IRAK2: variants seen among roughly 807,000 people sequenced by gnomAD.
The protein encoded by IRAK2 is interleukin 1 receptor associated kinase 2.
Under a neutral mutation model 72.0 loss-of-function variants are expected in IRAK2, and 57 were observed. The ratio of observed to expected loss-of-function variants is 0.79; its 90% CI spans 0.64 to 0.99. The LOEUF is 0.99. Ranked by LOEUF, IRAK2 falls within the 50% of genes least tolerant of loss-of-function variation. The probability of loss-of-function intolerance (pLI) is 0.00; values close to 1 mark genes in which losing one functional copy is unlikely to be tolerated. For synonymous variants in IRAK2, 293 were observed against 312.7 expected, an observed-to-expected ratio of 0.94 and a Z score of 0.67; for missense variants, 790 against 794.4, an observed-to-expected ratio of 0.99 and a Z score of 0.07.
intron 10 of IRAK2, among the ~76,000 whole-genome samples, chr3:10,227,891 A>G (rs1407613818): frequency 6.7e-6 from 1 of 150,318 alleles, no homozygotes. Context: ...GGATGGTCTC[A>G]ATCTCCTGAC....
At chr3:10,166,452 T>G (rs751239172) in intron 1 of IRAK2, among the ~76,000 whole-genome samples, 1 of 152,196 alleles carries the variant, frequency 6.6e-6, no homozygotes, top group Non-Finnish European at 1.5e-5. Context: ...GGTGGAGATC[T>G]GCATTCCAGG....
At chr3:10,199,435 G>A (rs1015342112) in intron 2 of IRAK2, among the ~76,000 whole-genome samples, 2 of 152,212 alleles carry the variant, frequency 1.3e-5, no homozygotes, top group Admixed American at 6.5e-5. Flanking sequence ...GAGATGTTGT[G>A]AGGATTCATG....
At chr3:10,226,461 G>A in intron 10 of IRAK2, 28 bp downstream of exon 10, 2 of 1,602,922 alleles carry the variant, frequency 1.2e-6, no homozygotes, top group African/African-American at 1.3e-5. Flanking sequence ...ATCTGGCTGG[G>A]AGGTATATTT....
intron 1 of IRAK2, among the ~76,000 whole-genome samples, chr3:10,173,911 T>C (rs1234636214): frequency 6.6e-6 from 1 of 152,180 alleles, no homozygotes; most frequent in Non-Finnish European, 1.5e-5. Flanking sequence ...GGAACAAAAA[T>C]GTCTAAGCTG....
Position 10,174,897 on chromosome 3 carries a change from A to G in IRAK2, c.95-2941A>G, listed in dbSNP as rs866522987. Among the ~76,000 whole-genome samples the G allele has an allele frequency of 4.6e-4, 70 of 150,590 alleles. 1 individual carries two copies. Among genetic ancestry groups the G allele is most frequent in the Middle Eastern group, 6.8e-3 (2 of 294 alleles). ...AGTGGAATACTGGTCATAAAAATCC[A>G]TTTATGGGCCAGGCACAGTGGTTCA... On this transcript the variant is annotated intron_variant, in intron 1 of 12. Transcript: ENST00000256458.
rs34786090 is a variant in IRAK2, at chr3:10,179,438, A to ATT, written c.277+1431_277+1432dup. On this transcript the variant is annotated intron_variant, in intron 2 of 12. Transcript: ENST00000256458. The stretch of plus-strand genomic sequence containing the variant: ...AGGTGCCCACTACCACATCCAGCTA[A>ATT]TTTTTTTTTTTTTTATATGAAGTCT... Among the ~76,000 whole-genome samples, 316 of 144,692 alleles carry ATT rather than the reference A, an allele frequency of 2.2e-3. 5 individuals carry two copies. Among genetic ancestry groups the ATT allele is most frequent in the East Asian group, 0.02 (98 of 4,838 alleles). 94.9% of individuals were successfully genotyped at this position (144,692 alleles called of 152,430 possible). A position where few individuals can be genotyped will look rare whatever the true frequency, so the allele number is the denominator to read the frequency against.
chr3:10,184,947 C>CGGG (rs1697028843), intron 2 of IRAK2, among the ~76,000 whole-genome samples: 1 of 150,148 alleles, frequency 6.7e-6, no homozygotes, highest in Non-Finnish European at 1.5e-5. Context: ...CCGTGTTAGC[C>CGGG]AGGGTGATCT....
Position 10,175,315 on chromosome 3 carries a change from C to A in IRAK2, c.95-2523C>A, listed in dbSNP as rs536270199. Among the ~76,000 whole-genome samples the A allele has an allele frequency of 2.0e-5, 3 of 151,478 alleles. No individual in the cohort carries two copies. In the South Asian group the frequency reaches 6.3e-4, roughly 32 times the overall value. On this transcript the variant is annotated intron_variant, in intron 1 of 12. Transcript: ENST00000256458. ...CTAATTTTTGTATTTTTAGTAGAGA[C>A]GGGGTTTCACCATGTTGGCCAGGCT...
At chr3:10,229,117 A>G (rs1015889182) in intron 10 of IRAK2, among the ~76,000 whole-genome samples, 26 of 151,978 alleles carry the variant, frequency 1.7e-4, no homozygotes, top group African/African-American at 6.0e-4. Flanking sequence ...TATTTTTTTT[A>G]GTAGTGACAG....
intron 1 of IRAK2, among the ~76,000 whole-genome samples, chr3:10,170,298 G>A (rs1302310353): frequency 6.6e-6 from 1 of 152,154 alleles, no homozygotes; most frequent in Non-Finnish European, 1.5e-5. Context: ...TAATTACCTT[G>A]GCCAGACCCA....
intron 2 of IRAK2, among the ~76,000 whole-genome samples, chr3:10,184,719 G>T (rs1280621019): frequency 3.0e-4 from 31 of 102,044 alleles, no homozygotes; most frequent in Admixed American, 1.4e-3. Context: ...TGGAGTTTTT[G>T]TGTGTTTTTT....
chr3:10,233,955 T>C (rs1249047993), intron 10 of IRAK2, among the ~76,000 whole-genome samples: 1 of 151,682 alleles, frequency 6.6e-6, no homozygotes, highest in Non-Finnish European at 1.5e-5. Flanking sequence ...TCCCCCACCA[T>C]AGGTTCAAGC....
intron 3 of IRAK2, among the ~76,000 whole-genome samples, chr3:10,207,130 A>G (rs1291117446): frequency 6.9e-6 from 1 of 144,582 alleles, no homozygotes; most frequent in Non-Finnish European, 1.5e-5. Context: ...TCACTCTGTC[A>G]CCCAGGCTGG....
intron 1 of IRAK2, among the ~76,000 whole-genome samples, chr3:10,170,825 C>A (rs1004648509): frequency 6.6e-6 from 1 of 152,206 alleles, no homozygotes; most frequent in Non-Finnish European, 1.5e-5. Flanking sequence ...TCAGAGCCAG[C>A]GGTGCCTCCG....
intron 8 of IRAK2, among the ~76,000 whole-genome samples, 174 bp downstream of exon 8, chr3:10,219,963 A>G (rs573475896): frequency 6.6e-6 from 1 of 152,182 alleles, no homozygotes; most frequent in Non-Finnish European, 1.5e-5. Flanking sequence ...GCCCTCAAAA[A>G]TGAGTGTTTC....
rs142346598 is a variant in IRAK2 at position 10,222,792 on chromosome 3, G to A, written c.1170G>A (p.Gly390=). The A allele has an allele frequency of 7.4e-6, 12 of 1,614,086 alleles. No individual in the cohort carries two copies. In the African/African-American group the frequency reaches 1.6e-4, roughly 22 times the overall value. ...TGCCAGAGGATTTCATCCGGGTGGG[G>A]CAGCTGACAAAGCGAGTGGACATCT... ...AYLPEDFIRV[G]QLTKRVDIFS... Residue 390 remains glycine, a synonymous_variant, in exon 9 of 13, where the codon GGG becomes GGA. Coordinates refer to ENST00000256458, the MANE Select transcript of IRAK2 (RefSeq NM_001570.4).
At chr3:10,191,909 A>G (rs1371018811) in intron 2 of IRAK2, among the ~76,000 whole-genome samples, 2 of 152,208 alleles carry the variant, frequency 1.3e-5, no homozygotes, top group Non-Finnish European at 2.9e-5. Flanking sequence ...AGAAAGAATG[A>G]GTCATTTCAG....
chr3:10,167,925 A>C (rs1487899018), intron 1 of IRAK2, among the ~76,000 whole-genome samples: 2 of 152,080 alleles, frequency 1.3e-5, no homozygotes, highest in Admixed American at 1.3e-4. Context: ...CTGTCTCCTG[A>C]GTAGCTGGAC....
intron 1 of IRAK2, among the ~76,000 whole-genome samples, chr3:10,167,159 C>T (rs1696706997): frequency 6.6e-6 from 1 of 152,118 alleles, no homozygotes; most frequent in Non-Finnish European, 1.5e-5. Context: ...TTCAGGAGTA[C>T]AATTTAGTGG....
Sources: allele counts gnomAD v4.1 joint callset (sites outside exome capture counted in the v4.1 genomes callset), GRCh38; gene constraint gnomAD v4.1.1; transcripts MANE v1.5; gene names NCBI Gene and HGNC (gene_info 2026-07-23, HGNC 2026-07-21).